Variants in ST3GAL3 observed in about 807,000 individuals in gnomAD.
The protein encoded by ST3GAL3 is CMP-N-acetylneuraminate-beta-1,4-galactoside alpha-2,3-sialyltransferase.
In ST3GAL3, 21 loss-of-function variants were observed where a neutral mutation model predicts 50.1. That is an observed-to-expected ratio of 0.42 (90% CI 0.30 to 0.60). The LOEUF is 0.60. Ranked by LOEUF, ST3GAL3 falls within the 20% of genes least tolerant of loss-of-function variation. ST3GAL3 has a pLI of 0.19. For missense variants in ST3GAL3, 353 were observed against 489.4 expected (o/e 0.72, Z 2.63); for synonymous variants, 183 against 190.0 (o/e 0.96, Z 0.30).
At chr1:43,923,090 A>C (rs2154296745) in intron 11 of ST3GAL3, among the ~76,000 whole-genome samples, 1 of 152,146 alleles carries the variant, frequency 6.6e-6, no homozygotes, top group Admixed American at 6.5e-5. Flanking sequence ...CTCCGTCTCA[A>C]AAAAAAGAAA....
At chr1:43,818,585 A>C (rs943251790) in intron 4 of ST3GAL3, among the ~76,000 whole-genome samples, 1 of 152,232 alleles carries the variant, frequency 6.6e-6, no homozygotes, top group Non-Finnish European at 1.5e-5. Flanking sequence ...GCTTGTTCTC[A>C]TGGTTTTATG....
chr1:43,916,277 T>C (rs2081781620), intron 9 of ST3GAL3, among the ~76,000 whole-genome samples: 1 of 152,230 alleles, frequency 6.6e-6, no homozygotes, highest in Non-Finnish European at 1.5e-5. Context: ...TGGCCAGTCA[T>C]TAGAATAGTC....
intron 2 of ST3GAL3, among the ~76,000 whole-genome samples, chr1:43,779,947 G>T (rs569964166): frequency 2.6e-5 from 4 of 152,062 alleles, no homozygotes; most frequent in Admixed American, 2.6e-4. Flanking sequence ...AACTCTCTTT[G>T]GGAGCCTCTG....
In ST3GAL3 at chr1:43,899,281, G is replaced by T. The variant is rs1408523747; in HGVS notation, c.557+18G>T. On this transcript the variant is annotated intron_variant, in intron 8 of 11. Coordinates refer to ENST00000347631, the MANE Select transcript of ST3GAL3 (RefSeq NM_006279.5). The surrounding 1 kb of genome is among the most constrained non-coding windows in gnomAD (Gnocchi z 5.4). ...GTGGTGAGGTGAGCTCCCCAAAATG[G>T]CACCTCGGGTGAGTGTCGTGGCCCC... The T allele has an allele frequency of 2.5e-6, 4 of 1,614,158 alleles. No homozygotes were observed. The highest frequency in any genetic ancestry group is 2.2e-5 in the East Asian group (1 of 44,880).
chr1:43,891,365 T>G (rs1464243385), intron 5 of ST3GAL3, among the ~76,000 whole-genome samples: 1 of 151,396 alleles, frequency 6.6e-6, no homozygotes, highest in Non-Finnish European at 1.5e-5. Flanking sequence ...AGGTCAGGAG[T>G]TCAAGATCAG....
chr1:43,735,227 C>A (rs1677880989), intron 1 of ST3GAL3, among the ~76,000 whole-genome samples: 1 of 152,174 alleles, frequency 6.6e-6, no homozygotes, highest in Non-Finnish European at 1.5e-5. Flanking sequence ...ACACCGTAAT[C>A]CCTGGAACCT....
In ST3GAL3 at chr1:43,781,813, A is replaced by G. The variant is rs908437769; in HGVS notation, c.119-10289A>G. On this transcript the variant is annotated intron_variant, in intron 2 of 11. Transcript: ENST00000347631. ...CCTTCCCTCCCAATTTCCACATGCA[A>G]TGATCACCTCCCATTTCATAGAGAA... is the stretch of plus-strand genomic sequence containing the variant. Among the ~76,000 whole-genome samples the G allele has an allele frequency of 9.9e-5, 15 of 152,134 alleles. No individual in the cohort carries two copies. The East Asian group carries it at 2.7e-3, about 27-fold the overall frequency.
chr1:43,807,145 G>A (rs575653758), intron 3 of ST3GAL3, among the ~76,000 whole-genome samples: 6 of 152,284 alleles, frequency 3.9e-5, no homozygotes, highest in South Asian at 4.1e-4. Context: ...GGCTGGGCAC[G>A]GTGGCTCACG....
intron 2 of ST3GAL3, among the ~76,000 whole-genome samples, chr1:43,770,853 G>T (rs1374936123): frequency 6.6e-6 from 1 of 152,188 alleles, no homozygotes; most frequent in Non-Finnish European, 1.5e-5. Context: ...TATTATGTCT[G>T]GTGAAGTTCA....
At chr1:43,895,181 G>A (rs1346718876) in intron 6 of ST3GAL3, among the ~76,000 whole-genome samples, 1 of 152,098 alleles carries the variant, frequency 6.6e-6, no homozygotes, top group East Asian at 1.9e-4. Flanking sequence ...CCCCAGGAGT[G>A]CCCCACGTCC....
intron 5 of ST3GAL3, among the ~76,000 whole-genome samples, chr1:43,883,691 G>A (rs2075524267): frequency 6.6e-6 from 1 of 152,222 alleles, no homozygotes; most frequent in South Asian, 2.1e-4. Context: ...AGAGTTACAA[G>A]GGTGCGGGGT....
At chr1:43,744,654 A>ATG (rs746012027) in intron 2 of ST3GAL3, among the ~76,000 whole-genome samples, 1 of 142,102 alleles carries the variant, frequency 7.0e-6, no homozygotes, top group Non-Finnish European at 1.5e-5. Flanking sequence ...CTCCCTCTCA[A>ATG]AAAATAAATA....
chr1:43,843,416 G>C (rs2065739389), intron 5 of ST3GAL3, among the ~76,000 whole-genome samples: 1 of 151,904 alleles, frequency 6.6e-6, no homozygotes, highest in African/African-American at 2.4e-5. Context: ...TTTGAATGTT[G>C]AACCAATCTT....
At chr1:43,796,259 A>G (rs780492365) in intron 3 of ST3GAL3, among the ~76,000 whole-genome samples, 2 of 152,236 alleles carry the variant, frequency 1.3e-5, no homozygotes, top group Non-Finnish European at 2.9e-5. Flanking sequence ...CAGAAAATTC[A>G]TGGCAGAATG....
At chr1:43,796,717 G>A (rs985696279) in intron 3 of ST3GAL3, among the ~76,000 whole-genome samples, 3 of 152,168 alleles carry the variant, frequency 2.0e-5, no homozygotes, top group African/African-American at 7.2e-5. Context: ...CCAAAATGAA[G>A]AACCAGGAAA....
At chr1:43,769,029 TAAA>T (rs1302750371) in intron 2 of ST3GAL3, among the ~76,000 whole-genome samples, 2 of 151,960 alleles carry the variant, frequency 1.3e-5, no homozygotes, top group Non-Finnish European at 2.9e-5. Flanking sequence ...CCACAATATA[TAAA>T]AAAGATAATA....
chr1:43,929,225 C>T (rs1268072383), intron 11 of ST3GAL3, among the ~76,000 whole-genome samples: 3 of 152,098 alleles, frequency 2.0e-5, no homozygotes, highest in African/African-American at 4.8e-5. Flanking sequence ...TTAATTATTC[C>T]ACAATGTATA....
At chr1:43,839,920 T>A (rs911661994) in intron 5 of ST3GAL3, 2 of 152,228 alleles carry the variant, frequency 1.3e-5, no homozygotes, top group African/African-American at 4.8e-5. Context: ...TTCACTCATT[T>A]TCACAAGAAC....
chr1:43,854,577 G>C (rs74501938), intron 5 of ST3GAL3, among the ~76,000 whole-genome samples: 5,592 of 152,172 alleles, frequency 0.037, 131 homozygotes, highest in East Asian at 0.13. Context: ...TCACTCCACT[G>C]CTTTAGCTAA....
Sources: gnomAD v4.1 joint callset for allele counts (sites outside exome capture counted in the v4.1 genomes callset) on GRCh38, gnomAD v4.1.1 for gene constraint, Gnocchi (gnomAD v3.1) non-coding constraint, MANE v1.5 for transcripts, NCBI Gene and HGNC (gene_info 2026-07-23, HGNC 2026-07-21) for gene names.